The following WRN variants were observed in gnomAD, a reference collection of about 807,000 sequenced individuals.
WRN encodes WRN RecQ like helicase.
In WRN, 149 loss-of-function variants were observed where a neutral mutation model predicts 180.7. The observed-to-expected ratio is 0.82, with a 90% CI of 0.72 to 0.94. WRN has a LOEUF of 0.94. Ranked by LOEUF, WRN falls within the 40% of genes least tolerant of loss-of-function variation. The pLI is 0.00. For synonymous variants in WRN, 548 were observed against 568.9 expected, an observed-to-expected ratio of 0.96 and a Z score of 0.52; for missense variants, 1,661 against 1,700.1, an observed-to-expected ratio of 0.98 and a Z score of 0.40.
chr8:31,067,172 C>T lies in WRN; in HGVS notation c.644C>T (p.Thr215Ile), dbSNP rs1160440215. The T allele has an allele frequency of 2.0e-5, 32 of 1,613,540 alleles. No homozygotes were observed. The highest frequency in any genetic ancestry group is 2.6e-5 in the Non-Finnish European group (31 of 1,179,938). The change falls in exon 6 of 35, where the codon ACT becomes ATT. Residue 215 changes from threonine (T) to isoleucine (I), a missense_variant. Thr to Ile is a moderately conservative substitution (Grantham distance 89, BLOSUM62 -1). Around this residue, in one of 3 missense-constraint regions of WRN, gnomAD observed 500 missense variants for 504.1 expected, o/e 0.99. Coordinates refer to ENST00000298139, the MANE Select transcript of WRN (RefSeq NM_000553.6). The part of the protein sequence containing the change: ...LTEDQKLYAA[T>I]DAYAGFIIYR... Reference sequence around the variant, plus strand: ...GAGGACCAGAAACTGTATGCAGCCACTGATGCTTATGTACGTGCTTAAAGA... The same window carrying T: ...GAGGACCAGAAACTGTATGCAGCCATTGATGCTTATGTACGTGCTTAAAGA...
intron 31 of WRN, 81 bp downstream of exon 31, chr8:31,150,536 A>G (rs937148190): frequency 8.4e-7 from 1 of 1,194,806 alleles, no homozygotes; most frequent in East Asian, 2.4e-5. Flanking sequence ...CAGAAGCAAC[A>G]TTTGCTCACT....
intron 11 of WRN, among the ~76,000 whole-genome samples, chr8:31,085,733 G>A (rs1038537637): frequency 2.6e-5 from 4 of 152,046 alleles, no homozygotes; most frequent in Admixed American, 6.6e-5. Context: ...GCCTCCCAGC[G>A]TGCTGGGGAT....
At chr8:31,088,833 C>G in intron 12 of WRN, 57 bp from the exon 13 acceptor site, 2 of 1,398,548 alleles carry the variant, frequency 1.4e-6, no homozygotes, top group Non-Finnish European at 2.0e-6. Context: ...ACTGTTTTCT[C>G]CCTCTATGTG....
intron 1 of WRN, among the ~76,000 whole-genome samples, chr8:31,046,163 A>T (rs1041973170): frequency 2.6e-5 from 4 of 152,176 alleles, no homozygotes; most frequent in Admixed American, 1.3e-4. Context: ...ATAGGATAAT[A>T]ATTTATCCTA....
At chr8:31,062,260 T>G (rs1263128402) in intron 3 of WRN, among the ~76,000 whole-genome samples, 2 of 152,196 alleles carry the variant, frequency 1.3e-5, no homozygotes, top group African/African-American at 2.4e-5. Flanking sequence ...TATATCATGT[T>G]GGCCTGAAGC....
chr8:31,067,289 T>C, intron 6 of WRN, 107 bp downstream of exon 6: 4 of 1,278,864 alleles, frequency 3.1e-6, no homozygotes, highest in Non-Finnish European at 3.3e-6. Flanking sequence ...TACCAAAATA[T>C]TTTATATCAA....
chr8:31,075,918 AGGTGAATAACTGCTG>A (rs1438839288), intron 7 of WRN, among the ~76,000 whole-genome samples: 1 of 152,190 alleles, frequency 6.6e-6, no homozygotes, highest in African/African-American at 2.4e-5. Context: ...CCTTCTGCCT[AGGTGAATAACTGCTG>A]GGTTATAGTA....
chr8:31,046,049 G>T (rs1811849437), intron 1 of WRN, among the ~76,000 whole-genome samples: 1 of 152,058 alleles, frequency 6.6e-6, no homozygotes, highest in Non-Finnish European at 1.5e-5. Context: ...CAGGCAGGTT[G>T]TCATTTTTGC....
chr8:31,109,927 A>G (rs776225833), intron 18 of WRN, among the ~76,000 whole-genome samples: 9 of 152,126 alleles, frequency 5.9e-5, no homozygotes, highest in South Asian at 4.1e-4. Context: ...TTTCATGCTT[A>G]CTTCCTCATT....
chr8:31,151,856 G>A (rs1397355061), intron 31 of WRN, among the ~76,000 whole-genome samples: 2 of 151,488 alleles, frequency 1.3e-5, no homozygotes, highest in South Asian at 2.1e-4. Flanking sequence ...CAACTTTAAT[G>A]TTTATTAAGC....
At chr8:31,103,153 T>A (rs1800945953) in intron 18 of WRN, among the ~76,000 whole-genome samples, 1 of 152,226 alleles carries the variant, frequency 6.6e-6, no homozygotes, top group Admixed American at 6.5e-5. Context: ...GTAACACTCA[T>A]GGAGCTGTCA....
At chr8:31,071,932 G>A (rs1812928000) in intron 7 of WRN, among the ~76,000 whole-genome samples, 1 of 152,220 alleles carries the variant, frequency 6.6e-6, no homozygotes, top group Non-Finnish European at 1.5e-5. Flanking sequence ...GAAAAGCATT[G>A]AGGAAGAGCA....
chr8:31,159,840 G>C lies in WRN; in HGVS notation c.3982+2310G>C, dbSNP rs1803540018. 4.6e-5 allele frequency among the ~76,000 whole-genome samples: 7 copies of C among 151,514 alleles called. 1 individual carries two copies. In the South Asian group the frequency reaches 1.5e-3, roughly 32 times the overall value. On this transcript the variant is annotated intron_variant, in intron 33 of 34. Transcript: ENST00000298139. ...TGCGCCTGTAATCCCAGCTACTCAG[G>C]AGACTGAGGCAGGAGAATCGCTTGA...
At chr8:31,035,961 A>C (rs149513160) in intron 1 of WRN, among the ~76,000 whole-genome samples, 30 of 152,148 alleles carry the variant, frequency 2.0e-4, no homozygotes, top group African/African-American at 6.5e-4. Flanking sequence ...AAACCCTATG[A>C]TATTCCTTCT....
chr8:31,150,268 A>G (rs528107131), intron 30 of WRN, 73 bp from the exon 31 acceptor site: 15 of 1,215,696 alleles, frequency 1.2e-5, no homozygotes, highest in Admixed American at 5.1e-5. Flanking sequence ...AACATCAGCT[A>G]TATTGCTGGA....
At chr8:31,157,661 T>G in intron 33 of WRN, 131 bp downstream of exon 33, 1 of 1,321,004 alleles carries the variant, frequency 7.6e-7, no homozygotes, top group Non-Finnish European at 1.0e-6. Flanking sequence ...TGATTCTTTT[T>G]CTTGTTTTAG....
At position 31,088,892 on chromosome 8, in the gene WRN, T is replaced by A; in HGVS notation, c.1579T>A (p.Phe527Ile). 6.2e-7 allele frequency: 1 copy of A among 1,609,276 alleles called. No homozygotes were observed. Among genetic ancestry groups the A allele is most frequent in the Non-Finnish European group, 8.5e-7 (1 of 1,177,374 alleles). ...TGCACATTTTATTTTATTTCCAGAC[T>A]TTTTGTGGCCAGCACCCAATGAAGA... The part of the protein sequence containing the change: ...NEGEEDDDKD[F>I]LWPAPNEEQV... Residue 527 changes from phenylalanine to isoleucine, a missense_variant and splice_region_variant, in exon 13 of 35, where the codon TTT (phenylalanine) becomes ATT (isoleucine). This residue lies in a region of WRN where 1,141 missense variants were observed against 1,149.4 expected (regional missense o/e 0.99). Transcript: ENST00000298139.
At chr8:31,119,532 C>T (rs1290835886) in intron 20 of WRN, among the ~76,000 whole-genome samples, 3 of 151,822 alleles carry the variant, frequency 2.0e-5, no homozygotes, top group Admixed American at 6.6e-5. Flanking sequence ...TATTTCTAAC[C>T]CCCTTTCCTC....
In WRN at chr8:31,120,414, A is replaced by G. The variant is rs1299212413; in HGVS notation, c.2620A>G (p.Asn874Asp). ...CHVLWAPADI[N>D]LNRHLLTEIR... ...CGTCCTCTGGGCTCCTGCAGACATT[A>G]ACTTAAATAGGTAAAAAAAATTTAT... The change falls in exon 21 of 35, where the codon AAC becomes GAC. Residue 874 changes from asparagine (N) to aspartate (D), a missense_variant. This residue lies in a region of WRN where 1,141 missense variants were observed against 1,149.4 expected (regional missense o/e 0.99). Transcript: ENST00000298139. 2.5e-6 allele frequency: 4 copies of G among 1,612,100 alleles called. No homozygotes were observed.
Sources: gnomAD v4.1 joint callset for allele counts (sites outside exome capture counted in the v4.1 genomes callset) on GRCh38, gnomAD v4.1.1 for gene constraint, gnomAD v4.1.1 regional missense constraint, MANE v1.5 for transcripts, NCBI Gene and HGNC (gene_info 2026-07-23, HGNC 2026-07-21) for gene names.